DNAH9: variants seen among roughly 807,000 people sequenced by gnomAD.
The protein encoded by DNAH9 is DNAH9 variant protein.
A neutral mutation model predicts 471.6 loss-of-function variants in DNAH9; 345 were observed. That is an observed-to-expected ratio of 0.73 (90% CI 0.67 to 0.80). The LOEUF (loss-of-function observed/expected upper bound fraction) is 0.80, where lower values mean the gene tolerates loss of function less well. Among genes scored for constraint, DNAH9 ranks in the 30% least tolerant of loss-of-function variants. The probability of loss-of-function intolerance (pLI) is 0.00; values close to 1 mark genes in which losing one functional copy is unlikely to be tolerated. For missense variants in DNAH9, 5,407 were observed against 5,609.2 expected (o/e 0.96, Z 1.15); for synonymous variants, 2,093 against 2,123.6 (o/e 0.99, Z 0.40).
At chr17:11,812,646 T>C (rs955376773) in intron 45 of DNAH9, among the ~76,000 whole-genome samples, 3 of 152,126 alleles carry the variant, frequency 2.0e-5, no homozygotes, top group Non-Finnish European at 4.4e-5. Flanking sequence ...GTTTCCTCAC[T>C]GTGCTGGCTG....
intron 1 of DNAH9, among the ~76,000 whole-genome samples, chr17:11,607,210 G>A (rs73975032): frequency 0.057 from 8,674 of 152,096 alleles, 821 homozygotes; most frequent in African/African-American, 0.19. Flanking sequence ...TATTCACCCC[G>A]TTGATGAGGG....
At chr17:11,850,667 A>AT (rs34539918) in intron 49 of DNAH9, among the ~76,000 whole-genome samples, 2 of 137,626 alleles carry the variant, frequency 1.5e-5, no homozygotes, top group Non-Finnish European at 3.2e-5. Flanking sequence ...AAAAAAAAAA[A>AT]GTTTCTTCCA....
intron 32 of DNAH9, among the ~76,000 whole-genome samples, chr17:11,751,485 A>T (rs922213711): frequency 6.6e-6 from 1 of 152,066 alleles, no homozygotes; most frequent in Admixed American, 6.6e-5. Flanking sequence ...ACATTAACAA[A>T]CTAAAGGGGA....
intron 62 of DNAH9, 35 bp from the exon 63 acceptor site, chr17:11,929,831 C>A: frequency 6.4e-7 from 1 of 1,570,184 alleles, no homozygotes; most frequent in Non-Finnish European, 8.7e-7. Context: ...TAAGCAGATG[C>A]CTGTATTGAG....
At position 11,619,530 on chromosome 17, in the gene DNAH9, A is replaced by C. The variant is rs200774016; in HGVS notation, c.1117-18A>C. On this transcript the variant is annotated intron_variant, in intron 5 of 68. Coordinates refer to ENST00000262442, the MANE Select transcript of DNAH9 (RefSeq NM_001372.4). ...ATGTCTGCACCTGCTCAGTGATACT[A>C]ATCTGTTTGTATACCAGGCCTCTAA... is the stretch of plus-strand genomic sequence containing the variant. 6.9e-7 allele frequency: 1 copy of C among 1,456,818 alleles called. No homozygotes were observed. Among genetic ancestry groups the C allele is most frequent in the East Asian group, 2.3e-5 (1 of 44,110 alleles). The allele number at this position is 1,456,818 out of a possible 1,614,324, so 90.2% of individuals were successfully genotyped here.
At chr17:11,802,118 C>T (rs969376741) in intron 43 of DNAH9, among the ~76,000 whole-genome samples, 3 of 152,198 alleles carry the variant, frequency 2.0e-5, no homozygotes, top group East Asian at 1.9e-4. Flanking sequence ...GTTACTTTAT[C>T]CTCGCTCTGC....
chr17:11,762,788 T>TTTTTTTTTTTTTTTTTTTTTTTTTTTG (rs1597610213), intron 35 of DNAH9, among the ~76,000 whole-genome samples: 2 of 121,184 alleles, frequency 1.7e-5, no homozygotes, highest in Admixed American at 9.1e-5. Flanking sequence ...TTTTTTTTTT[T>TTTTTTTTTTTTTTTTTTTTTTTTTTTG]TTTTTTTTTG....
intron 49 of DNAH9, among the ~76,000 whole-genome samples, chr17:11,843,890 T>TATATATAC (rs1389217941): frequency 7.4e-4 from 94 of 127,210 alleles, no homozygotes; most frequent in African/African-American, 2.7e-3. Context: ...TATATATATA[T>TATATATAC]ACACATAGAG....
intron 39 of DNAH9, among the ~76,000 whole-genome samples, 197 bp from the exon 40 acceptor site, chr17:11,783,449 A>G (rs1393306879): frequency 3.9e-5 from 6 of 151,960 alleles, no homozygotes; most frequent in Non-Finnish European, 4.4e-5. Flanking sequence ...TCGTCTTCCT[A>G]TGCTATTTCC....
At position 11,854,329 on chromosome 17, in the gene DNAH9, G is replaced by A; in HGVS notation, c.9834G>A (p.Val3278=). The change falls in exon 50 of 69, where the codon GTG becomes GTA. Residue 3278 remains valine, a synonymous_variant. Coordinates refer to ENST00000262442, the MANE Select transcript of DNAH9 (RefSeq NM_001372.4). ...WVINIVRFYE[V]FCDVEPKRQA... Reference sequence around the variant, plus strand: ...TCAATATTGTGAGATTTTATGAGGTGTTCTGTGATGTGGAACCCAAGCGCC... The same window carrying A: ...TCAATATTGTGAGATTTTATGAGGTATTCTGTGATGTGGAACCCAAGCGCC... 6.2e-7 allele frequency: 1 copy of A among 1,614,040 alleles called. No homozygotes were observed.
At chr17:11,964,839 A>C (rs942341346) in intron 68 of DNAH9, among the ~76,000 whole-genome samples, 7 of 152,074 alleles carry the variant, frequency 4.6e-5, no homozygotes, top group African/African-American at 1.5e-4. Flanking sequence ...GAGCACCTTC[A>C]AAGCCCTGTT....
intron 5 of DNAH9, 73 bp downstream of exon 5, chr17:11,617,695 C>G: frequency 9.3e-7 from 1 of 1,073,366 alleles, no homozygotes; most frequent in South Asian, 1.3e-5. Context: ...AGAGAAGAGA[C>G]AAGTGTCCTT....
chr17:11,830,790 G>A (rs1222520686), intron 48 of DNAH9, among the ~76,000 whole-genome samples: 1 of 152,196 alleles, frequency 6.6e-6, no homozygotes, highest in Non-Finnish European at 1.5e-5. Flanking sequence ...GAACAGGGCT[G>A]GAGCTAGAGA....
At chr17:11,660,844 A>G (rs1454665841) in intron 14 of DNAH9, among the ~76,000 whole-genome samples, 1 of 152,136 alleles carries the variant, frequency 6.6e-6, no homozygotes, top group Non-Finnish European at 1.5e-5. Context: ...GAGACTTGAT[A>G]ATAATGTTTA....
chr17:11,928,091 C>CTTTATTTATTTA (rs140957199), intron 62 of DNAH9, among the ~76,000 whole-genome samples: 31 of 148,710 alleles, frequency 2.1e-4, no homozygotes, highest in African/African-American at 5.0e-4. Context: ...ATACAAAATC[C>CTTTATTTATTTA]TTTATTTATT....
chr17:11,727,177 C>G (rs1292534971), intron 27 of DNAH9, among the ~76,000 whole-genome samples: 1 of 151,758 alleles, frequency 6.6e-6, no homozygotes, highest in East Asian at 1.9e-4. Flanking sequence ...TCCCAGGAAC[C>G]TATCTTTTTG....
chr17:11,810,505 G>A, intron 45 of DNAH9, 136 bp downstream of exon 45: 1 of 1,067,070 alleles, frequency 9.4e-7, no homozygotes, highest in Non-Finnish European at 1.3e-6. Flanking sequence ...GCCAAGGACT[G>A]GTTCATTGAG....
intron 50 of DNAH9, 64 bp from the exon 51 acceptor site, chr17:11,869,070 T>C (rs1972166247): frequency 6.3e-7 from 1 of 1,577,190 alleles, no homozygotes; most frequent in East Asian, 2.3e-5. Flanking sequence ...AACCCTCATC[T>C]AATGAGCACT....
chr17:11,738,498 A>C (rs2150830909), intron 28 of DNAH9, among the ~76,000 whole-genome samples: 1 of 152,274 alleles, frequency 6.6e-6, no homozygotes, highest in East Asian at 1.9e-4. Context: ...CTCCTGCCTC[A>C]GCCTCCCGAG....
Sources: allele counts gnomAD v4.1 joint callset (sites outside exome capture counted in the v4.1 genomes callset), GRCh38; gene constraint gnomAD v4.1.1; transcripts MANE v1.5; gene names NCBI Gene and HGNC (gene_info 2026-07-23, HGNC 2026-07-21).